Variants in ENTPD6 observed in about 807,000 individuals in gnomAD.
ENTPD6 encodes the protein CD39 antigen-like 2.
In ENTPD6, 46 loss-of-function variants were observed where a neutral mutation model predicts 61.5. That is an observed-to-expected ratio of 0.75 (90% CI 0.59 to 0.96). The LOEUF (loss-of-function observed/expected upper bound fraction) is 0.96. ENTPD6 is among the 40% of genes least tolerant of loss of function. ENTPD6 has a pLI of 0.00. For synonymous variants in ENTPD6, 252 were observed against 255.5 expected (o/e 0.99, Z 0.13); for missense variants, 612 against 629.0 (o/e 0.97, Z 0.29).
chr20:25,213,540 C>G, intron 5 of ENTPD6, 134 bp downstream of exon 5: 1 of 850,850 alleles, frequency 1.2e-6, no homozygotes, highest in Non-Finnish European at 1.8e-6. Context: ...TGCAGCATCA[C>G]TTTTAGGTGG....
chr20:25,215,884 T>A (rs11087505), intron 7 of ENTPD6, among the ~76,000 whole-genome samples, 173 bp downstream of exon 7: 82,947 of 152,042 alleles, frequency 0.55, 23,678 homozygotes, highest in East Asian at 0.92. Context: ...CACCCACCTG[T>A]CTCACAGGTG....
chr20:25,219,872 A>C (rs2092553083), intron 10 of ENTPD6, among the ~76,000 whole-genome samples: 1 of 152,332 alleles, frequency 6.6e-6, no homozygotes, highest in South Asian at 2.1e-4. Flanking sequence ...CCTGGTGTTT[A>C]TCTTCATAAT....
rs749363862 is a variant in ENTPD6 at position 25,225,600 on chromosome 20, G to T, written c.*3G>T. The stretch of plus-strand genomic sequence containing the variant: ...GACAGAAGAGTCCAGCCTCATAGTG[G>T]CCGAGCCATCCCTGTCCCCGTCAGC... On this transcript the variant is annotated 3_prime_UTR_variant, in exon 15 of 15. Coordinates refer to ENST00000376652, the MANE Select transcript of ENTPD6 (RefSeq NM_001247.5). 4.3e-5 allele frequency: 69 copies of T among 1,612,478 alleles called. No individual in the cohort carries two copies. The highest frequency in any genetic ancestry group is 5.6e-5 in the Non-Finnish European group (66 of 1,178,878).
chr20:25,200,806 C>T (rs1358280564), intron 1 of ENTPD6, among the ~76,000 whole-genome samples: 2 of 148,498 alleles, frequency 1.3e-5, no homozygotes, highest in Non-Finnish European at 2.9e-5. Context: ...TTATTTTCCT[C>T]CTCCTTTTTT....
chr20:25,218,499 T>C (rs372423494), intron 9 of ENTPD6, 51 bp from the exon 10 acceptor site: 18 of 1,550,424 alleles, frequency 1.2e-5, no homozygotes, highest in Non-Finnish European at 1.6e-5. Context: ...GAGCCTGCCA[T>C]GACCTGTACC....
chr20:25,201,330 A>G (rs913542217), intron 1 of ENTPD6, among the ~76,000 whole-genome samples: 2 of 152,108 alleles, frequency 1.3e-5, no homozygotes, highest in African/African-American at 4.8e-5. Flanking sequence ...TTTTCTGTCC[A>G]TTATTCAAAG....
rs532851914 is a variant in ENTPD6 at position 25,215,525 on chromosome 20, C to T, written c.674-151C>T. 222 of 727,488 alleles carry T rather than the reference C, an allele frequency of 3.1e-4. 1 individual carries two copies. Among genetic ancestry groups the T allele is most frequent in the Admixed American group, 7.3e-4 (35 of 47,658 alleles). 45.1% of individuals were successfully genotyped at this position (727,488 alleles called of 1,614,324 possible). On this transcript the variant is annotated intron_variant, in intron 6 of 14. Coordinates refer to ENST00000376652, the MANE Select transcript of ENTPD6 (RefSeq NM_001247.5). The stretch of plus-strand genomic sequence containing the variant: ...CTGCTGGATTCATTTATGAGAAATG[C>T]TCCTCTCTGCCGATGATCTGAAGGC...
At chr20:25,203,727 T>A (rs1366596249) in intron 1 of ENTPD6, among the ~76,000 whole-genome samples, 1 of 152,262 alleles carries the variant, frequency 6.6e-6, no homozygotes, top group Admixed American at 6.5e-5. Context: ...GTACATCCAG[T>A]GCCTGCATTT....
chr20:25,210,064 A>T lies in ENTPD6; in HGVS notation c.453+139A>T, dbSNP rs1036287468. 55 of 822,148 alleles carry T rather than the reference A, an allele frequency of 6.7e-5. No homozygotes were observed. The South Asian group carries it at 7.5e-4, about 11-fold the overall frequency. 50.9% of individuals were successfully genotyped at this position (822,148 alleles called of 1,614,324 possible). A position where few individuals can be genotyped will look rare whatever the true frequency, so the allele number is the denominator to read the frequency against. The stretch of plus-strand genomic sequence containing the variant: ...GCCTGGGCATTTCATGCCATTTGGG[A>T]TGGTCAGAAGAGAGAAGGTGTGCAG... On this transcript the variant is annotated intron_variant, in intron 4 of 14. Transcript: ENST00000376652.
chr20:25,219,379 G>A (rs975650960), intron 10 of ENTPD6, among the ~76,000 whole-genome samples: 4 of 152,176 alleles, frequency 2.6e-5, no homozygotes, highest in African/African-American at 4.8e-5. Flanking sequence ...TTTCTCTCTC[G>A]CTCATGATTC....
chr20:25,195,958 G>A, intron 1 of ENTPD6, 91 bp downstream of exon 1: 1 of 1,092,626 alleles, frequency 9.2e-7, no homozygotes, highest in Non-Finnish European at 1.2e-6. Context: ...CGCTCCGGAG[G>A]ACGGCCTCGG....
In ENTPD6 at chr20:25,195,857, C is replaced by T; in HGVS notation, c.-26C>T. ...TCGTCTCCGTGGGTGTGGCGGAGCG[C>T]GCGGTGCATGGTAAGCGGCGGGCCG... is the stretch of plus-strand genomic sequence containing the variant. On this transcript the variant is annotated 5_prime_UTR_variant, in exon 1 of 15. Transcript: ENST00000376652. 1 of 1,237,620 alleles carries T rather than the reference C, an allele frequency of 8.1e-7. No individual in the cohort carries two copies. Among genetic ancestry groups the T allele is most frequent in the East Asian group, 3.2e-5 (1 of 31,668 alleles). 76.7% of individuals were successfully genotyped at this position (1,237,620 alleles called of 1,614,324 possible).
chr20:25,215,032 C>T, intron 6 of ENTPD6, 90 bp downstream of exon 6: 1 of 851,296 alleles, frequency 1.2e-6, no homozygotes. Flanking sequence ...CGCCACCCCT[C>T]CCCGCCCCAT....
chr20:25,221,550 C>T, intron 11 of ENTPD6: 2 of 600,420 alleles, frequency 3.3e-6, no homozygotes, highest in Admixed American at 2.5e-5. Flanking sequence ...TCAACATTCC[C>T]CTGACTGTCA....
chr20:25,225,479 T>A lies in ENTPD6; in HGVS notation c.1357-20T>A, dbSNP rs1156492113. ...TTCCTGTCTGTGTGATGGTCCCCTC[T>A]CCCTCTCTGTCTTTTCAAGCTCACT... On this transcript the variant is annotated intron_variant, in intron 14 of 14. Transcript: ENST00000376652. The A allele has an allele frequency of 1.2e-6, 2 of 1,610,252 alleles. No individual in the cohort carries two copies. Among genetic ancestry groups the A allele is most frequent in the Non-Finnish European group, 8.5e-7 (1 of 1,177,432 alleles).
chr20:25,211,495 G>A (rs577863630), intron 4 of ENTPD6, among the ~76,000 whole-genome samples: 1 of 152,322 alleles, frequency 6.6e-6, no homozygotes, highest in South Asian at 2.1e-4. Flanking sequence ...GCTGGTTGAT[G>A]TGTATGTAAA....
At chr20:25,217,436 C>A in intron 8 of ENTPD6, 66 bp from the exon 9 acceptor site, 1 of 1,439,674 alleles carries the variant, frequency 6.9e-7, no homozygotes, top group Non-Finnish European at 9.8e-7. Context: ...CAAATGAATT[C>A]AGTGGGTGGA....
intron 1 of ENTPD6, among the ~76,000 whole-genome samples, chr20:25,202,562 T>A (rs188922585): frequency 3.3e-4 from 51 of 152,362 alleles, no homozygotes; most frequent in Non-Finnish European, 5.7e-4. Flanking sequence ...ATTTCCATTG[T>A]GGTTACAACC....
At chr20:25,203,236 T>G (rs1600510270) in intron 1 of ENTPD6, among the ~76,000 whole-genome samples, 5 of 152,360 alleles carry the variant, frequency 3.3e-5, no homozygotes, top group Admixed American at 3.3e-4. Flanking sequence ...TTTGATTATA[T>G]TGTGTCTTCA....
Sources: gnomAD v4.1 joint callset for allele counts (sites outside exome capture counted in the v4.1 genomes callset) on GRCh38, gnomAD v4.1.1 for gene constraint, MANE v1.5 for transcripts, NCBI Gene and HGNC (gene_info 2026-07-23, HGNC 2026-07-21) for gene names.